The following KLF12 variants were observed in gnomAD, a reference collection of about 807,000 sequenced individuals.
KLF12 encodes KLF transcription factor 12.
Under a neutral mutation model 37.8 loss-of-function variants are expected in KLF12, and 9 were observed. The observed-to-expected ratio is 0.24, with a 90% confidence interval of 0.14 to 0.42. The LOEUF (loss-of-function observed/expected upper bound fraction) is 0.42, where lower values mean the gene tolerates loss of function less well. KLF12 is among the 10% of genes least tolerant of loss of function. The pLI, the probability that KLF12 is intolerant of heterozygous loss-of-function variation, is 1.00. For synonymous variants in KLF12, 208 were observed against 202.1 expected (o/e 1.03, Z -0.25); for missense variants, 411 against 516.0 (o/e 0.80, Z 1.97).
At chr13:73,805,128 A>G (rs1159393607) in intron 5 of KLF12, among the ~76,000 whole-genome samples, 2 of 152,198 alleles carry the variant, frequency 1.3e-5, no homozygotes, top group Non-Finnish European at 2.9e-5. Flanking sequence ...ACTTTTTCCC[A>G]AGATTTTCTT....
intron 1 of KLF12, among the ~76,000 whole-genome samples, chr13:74,081,446 T>C (rs528989938): frequency 6.6e-5 from 10 of 152,354 alleles, no homozygotes; most frequent in Non-Finnish European, 1.5e-4. Flanking sequence ...CTGATTTTTG[T>C]TTCTACTCCT....
At position 73,713,426 on chromosome 13, in the gene KLF12, C is replaced by T. The variant is rs143578197; in HGVS notation, c.1027+1942G>A. Among the ~76,000 whole-genome samples, 367 of 152,288 alleles carry T rather than the reference C, an allele frequency of 2.4e-3. 1 individual carries two copies. The highest frequency in any genetic ancestry group is 6.8e-3 in the Middle Eastern group (2 of 294). On this transcript the variant is annotated intron_variant, in intron 7 of 7. Coordinates refer to ENST00000377669, the MANE Select transcript of KLF12 (RefSeq NM_007249.5). Reference sequence around the variant, plus strand: ...CCAAAGAGATAATAACAGCTACAACCATCTGGTTGTTAATAACAAATTTTT... The same window carrying T: ...CCAAAGAGATAATAACAGCTACAACTATCTGGTTGTTAATAACAAATTTTT...
intron 7 of KLF12, among the ~76,000 whole-genome samples, chr13:73,698,121 C>T (rs1304180367): frequency 1.3e-5 from 2 of 150,880 alleles, no homozygotes; most frequent in Non-Finnish European, 2.9e-5. Context: ...TGTGTTACTG[C>T]ACTCCAGCCT....
intron 3 of KLF12, among the ~76,000 whole-genome samples, chr13:73,925,389 T>G (rs371346215): frequency 3.0e-4 from 46 of 152,286 alleles, no homozygotes; most frequent in African/African-American, 1.1e-3. Context: ...CTGTCTGCTC[T>G]AGAAATGGAA....
At chr13:74,067,441 C>T (rs1566196295) in intron 1 of KLF12, among the ~76,000 whole-genome samples, 1 of 152,166 alleles carries the variant, frequency 6.6e-6, no homozygotes, top group Non-Finnish European at 1.5e-5. Flanking sequence ...TTGGCATTAT[C>T]ACAGTGTTAA....
chr13:74,109,884 G>A (rs1876875158), intron 1 of KLF12, among the ~76,000 whole-genome samples: 1 of 152,006 alleles, frequency 6.6e-6, no homozygotes, highest in Non-Finnish European at 1.5e-5. Flanking sequence ...TTAATAAACT[G>A]GCAGTATATA....
At chr13:73,780,307 T>A (rs1035739675) in intron 5 of KLF12, among the ~76,000 whole-genome samples, 1 of 152,194 alleles carries the variant, frequency 6.6e-6, no homozygotes, top group Non-Finnish European at 1.5e-5. Context: ...AGTTCCTTAA[T>A]GGCGATTTCT....
At chr13:73,861,909 T>C (rs781730803) in intron 3 of KLF12, among the ~76,000 whole-genome samples, 3 of 152,180 alleles carry the variant, frequency 2.0e-5, no homozygotes, top group Non-Finnish European at 2.9e-5. Flanking sequence ...ACAGAATATG[T>C]AGAAAAATTA....
intron 1 of KLF12, among the ~76,000 whole-genome samples, chr13:74,072,401 ATAT>A (rs1566198867): frequency 3.8e-5 from 5 of 133,226 alleles, no homozygotes; most frequent in African/African-American, 1.4e-4. Flanking sequence ...ATATATATAT[ATAT>A]ATAAAAGATT....
In KLF12 at chr13:73,687,909, T is replaced by C. The variant is rs1464503113; in HGVS notation, c.*7581A>G. ...CGACTGTTTCCACTATTGATCTCTT[T>C]TCAACTCACTTCAAGTTGTGGTTTT... On this transcript the variant is annotated 3_prime_UTR_variant, in exon 8 of 8. Transcript: ENST00000377669. The C allele has an allele frequency of 6.6e-6, 1 of 152,224 alleles. No homozygotes were observed. Among genetic ancestry groups the C allele is most frequent in the Non-Finnish European group, 1.5e-5 (1 of 68,032 alleles). The allele number at this position is 152,224 out of a possible 1,614,324, so 9.4% of individuals were successfully genotyped here. A position where few individuals can be genotyped will look rare whatever the true frequency, so the allele number is the denominator to read the frequency against.
chr13:74,181,349 A>G, the KLF12 span, among the ~76,000 whole-genome samples: 1 of 150,406 alleles, frequency 6.6e-6, no homozygotes, highest in Non-Finnish European at 1.5e-5. Context: ...AATAGAAAAC[A>G]TTGACAAAAG....
At chr13:73,926,523 A>T (rs1251790813) in intron 3 of KLF12, among the ~76,000 whole-genome samples, 1 of 152,146 alleles carries the variant, frequency 6.6e-6, no homozygotes, top group South Asian at 2.1e-4. Context: ...GACTTGCTTA[A>T]TTGCAATATT....
chr13:73,920,468 T>C (rs1012623957), intron 3 of KLF12, among the ~76,000 whole-genome samples: 2 of 152,152 alleles, frequency 1.3e-5, no homozygotes, highest in African/African-American at 4.8e-5. Flanking sequence ...CTCCAAAATT[T>C]AAAAACTAAA....
At chr13:74,298,641 G>C in the KLF12 span, among the ~76,000 whole-genome samples, 12 of 152,172 alleles carry the variant, frequency 7.9e-5, no homozygotes, top group Admixed American at 7.2e-4. Context: ...AGATTTTGAA[G>C]TTATAGAGGC....
the KLF12 span, among the ~76,000 whole-genome samples, chr13:74,230,064 T>G: frequency 6.6e-6 from 1 of 152,330 alleles, no homozygotes; most frequent in Admixed American, 6.5e-5. Context: ...ATGATTTGGC[T>G]GTGTCCCCAC....
chr13:73,838,823 G>A (rs922493443), intron 4 of KLF12, among the ~76,000 whole-genome samples: 5 of 152,248 alleles, frequency 3.3e-5, no homozygotes, highest in Middle Eastern at 3.4e-3. Context: ...GTAGCAAAAG[G>A]GGAGAAATAG....
chr13:74,228,374 AAAT>A, the KLF12 span, among the ~76,000 whole-genome samples: 180 of 152,288 alleles, frequency 1.2e-3, no homozygotes, highest in Non-Finnish European at 2.2e-3. Flanking sequence ...TTAGGTTTTA[AAAT>A]AATAGGTTCT....
At chr13:74,018,698 G>A (rs1361572443) in intron 1 of KLF12, among the ~76,000 whole-genome samples, 1 of 152,040 alleles carries the variant, frequency 6.6e-6, no homozygotes, top group Non-Finnish European at 1.5e-5. Flanking sequence ...TTCACTAAGG[G>A]GGTGCTCACT....
intron 6 of KLF12, among the ~76,000 whole-genome samples, chr13:73,718,780 G>A (rs1876003007): frequency 6.6e-6 from 1 of 152,180 alleles, no homozygotes; most frequent in South Asian, 2.1e-4. Flanking sequence ...TGTAGTCCCA[G>A]CTACTTGGGA....
Sources: gnomAD v4.1 joint callset for allele counts (sites outside exome capture counted in the v4.1 genomes callset) on GRCh38, gnomAD v4.1.1 for gene constraint, MANE v1.5 for transcripts, NCBI Gene and HGNC (gene_info 2026-07-23, HGNC 2026-07-21) for gene names.